Variants in TIPIN observed in about 807,000 individuals in gnomAD.
The protein encoded by TIPIN is TIMELESS interacting protein.
A neutral mutation model predicts 35.6 loss-of-function variants in TIPIN; 29 were observed. The ratio of observed to expected loss-of-function variants is 0.82; its 90% CI spans 0.61 to 1.11. TIPIN has a LOEUF of 1.11. TIPIN is among the 50% of genes most tolerant of loss of function. The pLI is 0.00. For synonymous variants in TIPIN, 102 were observed against 121.5 expected, an observed-to-expected ratio of 0.84 and a Z score of 1.06; for missense variants, 296 against 345.4, an observed-to-expected ratio of 0.86 and a Z score of 1.13.
At chr15:66,356,229 C>G (rs1249200000) in intron 1 of TIPIN, among the ~76,000 whole-genome samples, 3 of 152,120 alleles carry the variant, frequency 2.0e-5, no homozygotes, top group African/African-American at 7.2e-5. Flanking sequence ...GGTGCCATCC[C>G]TGAAACATCG....
chr15:66,367,436 C>T (rs940957091), intron 1 of TIPIN, among the ~76,000 whole-genome samples: 1 of 151,580 alleles, frequency 6.6e-6, no homozygotes, highest in African/African-American at 2.4e-5. Flanking sequence ...GCTGTGTCAC[C>T]CAGGCTGGAG....
chr15:66,366,203 C>T (rs1208432786), intron 1 of TIPIN, among the ~76,000 whole-genome samples: 1 of 150,968 alleles, frequency 6.6e-6, no homozygotes, highest in Non-Finnish European at 1.5e-5. Flanking sequence ...CACCTGTAAT[C>T]CTAGCACTTT....
intron 5 of TIPIN, 57 bp from the exon 6 acceptor site, chr15:66,349,180 G>A (rs994704898): frequency 2.5e-6 from 4 of 1,595,748 alleles, no homozygotes; most frequent in African/African-American, 2.7e-5. Context: ...GTTGGGGGGA[G>A]ATAATTTGCT....
Position 66,373,585 on chromosome 15 carries a change from G to A in TIPIN, c.-9+13022C>T, listed in dbSNP as rs73486093. Among the ~76,000 whole-genome samples the A allele has an allele frequency of 6.7e-3, 1,025 of 151,964 alleles. 16 individuals are homozygous for A. The highest frequency in any genetic ancestry group is 0.024 in the African/African-American group (979 of 41,414). Reference sequence around the variant, plus strand: ...AAGATGTTAAATCTTAGAAGATATCGCCAGTTTTCCAAACTGGTTACACAA... The same window carrying A: ...AAGATGTTAAATCTTAGAAGATATCACCAGTTTTCCAAACTGGTTACACAA... On this transcript the variant is annotated intron_variant, in intron 1 of 7. Coordinates refer to the TIPIN transcript ENST00000562124.
intron 1 of TIPIN, chr15:66,379,998 C>CATT: frequency 6.4e-6 from 2 of 312,676 alleles, no homozygotes; most frequent in Non-Finnish European, 1.1e-5. Context: ...TTCTTTCTTT[C>CATT]TTTCTTTTTT....
At chr15:66,337,541 C>T (rs1338099588) in intron 7 of TIPIN, among the ~76,000 whole-genome samples, 2 of 151,816 alleles carry the variant, frequency 1.3e-5, no homozygotes, top group African/African-American at 2.4e-5. Context: ...AGGCTGGTCT[C>T]GAACTCCTGA....
At chr15:66,373,630 G>A (rs1046166014) in intron 1 of TIPIN, among the ~76,000 whole-genome samples, 5 of 152,124 alleles carry the variant, frequency 3.3e-5, no homozygotes, top group African/African-American at 9.7e-5. Flanking sequence ...CACCATCAGT[G>A]TAAGGAAGTC....
chr15:66,344,533 G>A (rs2093110131), intron 6 of TIPIN, among the ~76,000 whole-genome samples: 1 of 152,018 alleles, frequency 6.6e-6, no homozygotes, highest in South Asian at 2.1e-4. Context: ...GTAAGCAGCA[G>A]CTGGTTCCTT....
chr15:66,364,971 A>AAAAAAAAAAAAAAG (rs1265738152), intron 1 of TIPIN, among the ~76,000 whole-genome samples: 1 of 97,728 alleles, frequency 1.0e-5, no homozygotes, highest in Non-Finnish European at 2.7e-5. Context: ...CATCTCAAAA[A>AAAAAAAAAAAAAAG]AAAAGAAAAA....
chr15:66,373,276 G>A (rs1304153029), intron 1 of TIPIN, among the ~76,000 whole-genome samples: 2 of 152,084 alleles, frequency 1.3e-5, no homozygotes, highest in African/African-American at 4.8e-5. Flanking sequence ...GGAGGATCAC[G>A]AGGTCAGGAG....
At chr15:66,343,047 G>C (rs542111870) in intron 6 of TIPIN, among the ~76,000 whole-genome samples, 3 of 152,150 alleles carry the variant, frequency 2.0e-5, no homozygotes, top group African/African-American at 7.2e-5. Flanking sequence ...ATTGTAAAAG[G>C]GTGGAGAATG....
At chr15:66,349,505 C>T (rs1233415000) in intron 4 of TIPIN, 68 bp from the exon 5 acceptor site, 2 of 1,554,126 alleles carry the variant, frequency 1.3e-6, no homozygotes, top group East Asian at 2.3e-5. Context: ...CAGCAACTTT[C>T]AGAACTGAAA....
In TIPIN at chr15:66,386,229, T is replaced by C. The variant is rs1346470074; in HGVS notation, c.-9+378A>G. Among the ~76,000 whole-genome samples the C allele has an allele frequency of 2.7e-5, 4 of 150,210 alleles. No individual in the cohort carries two copies. The East Asian group carries it at 7.8e-4, about 29-fold the overall frequency. On this transcript the variant is annotated intron_variant, in intron 1 of 7. Transcript: ENST00000562124. ...ATCGCTTGAACGTGGGAGGCAGAGG[T>C]GGTAGTTAGCGGAGATCGCGCCACT... is the stretch of plus-strand genomic sequence containing the variant.
At chr15:66,386,049 G>A (rs2093336699) in intron 1 of TIPIN, among the ~76,000 whole-genome samples, 2 of 152,196 alleles carry the variant, frequency 1.3e-5, no homozygotes, top group African/African-American at 2.4e-5. Flanking sequence ...GATTACAGGC[G>A]TGAGCCACCG....
upstream of TIPIN, among the ~76,000 whole-genome samples, chr15:66,358,587 A>T (rs1271108756): frequency 6.6e-6 from 1 of 151,920 alleles, no homozygotes; most frequent in Non-Finnish European, 1.5e-5. Flanking sequence ...CTAATTTTTT[A>T]AATTTTTTGT....
chr15:66,365,103 G>C (rs947248689), intron 1 of TIPIN, among the ~76,000 whole-genome samples: 1 of 152,054 alleles, frequency 6.6e-6, no homozygotes, highest in Admixed American at 6.6e-5. Flanking sequence ...ATTCCCAGGA[G>C]GTTAGGCATT....
upstream of TIPIN, among the ~76,000 whole-genome samples, chr15:66,360,800 C>T (rs929278642): frequency 2.0e-5 from 3 of 152,210 alleles, no homozygotes; most frequent in African/African-American, 4.8e-5. Context: ...AAACTCATCT[C>T]TACTAAAAAT....
intron 1 of TIPIN, among the ~76,000 whole-genome samples, chr15:66,367,267 T>A (rs2093259934): frequency 6.6e-6 from 1 of 150,880 alleles, no homozygotes; most frequent in Non-Finnish European, 1.5e-5. Flanking sequence ...TATATCTATA[T>A]CTATAGATAT....
chr15:66,364,056 A>C (rs555389648), intron 1 of TIPIN, among the ~76,000 whole-genome samples: 7 of 150,356 alleles, frequency 4.7e-5, no homozygotes, highest in Non-Finnish European at 1.0e-4. Flanking sequence ...AACACTTCCC[A>C]CCAGGCCCCC....
Sources: allele counts gnomAD v4.1 joint callset (sites outside exome capture counted in the v4.1 genomes callset), GRCh38; gene constraint gnomAD v4.1.1; transcripts MANE v1.5; gene names NCBI Gene and HGNC (gene_info 2026-07-23, HGNC 2026-07-21).